The following NSUN3 variants were observed in gnomAD, a reference collection of about 807,000 sequenced individuals.
NSUN3 encodes NOP2/Sun RNA methyltransferase 3.
In NSUN3, 24 loss-of-function variants were observed where a neutral mutation model predicts 36.8. The observed-to-expected ratio is 0.65, with a 90% CI of 0.47 to 0.92. The LOEUF (loss-of-function observed/expected upper bound fraction) is 0.92, where lower values mean the gene tolerates loss of function less well. NSUN3 is among the 40% of genes least tolerant of loss of function. NSUN3 has a pLI of 0.00. For missense variants in NSUN3, 381 were observed against 392.8 expected, an observed-to-expected ratio of 0.97 and a Z score of 0.25; for synonymous variants, 146 against 145.2, an observed-to-expected ratio of 1.01 and a Z score of -0.04.
intron 5 of NSUN3, among the ~76,000 whole-genome samples, chr3:94,098,778 A>G (rs2077353281): frequency 1.3e-5 from 2 of 152,038 alleles, no homozygotes; most frequent in African/African-American, 4.8e-5. Context: ...GGCAAACTCT[A>G]CTGATTCTTC....
rs185546105 is a variant in NSUN3 at position 94,104,401 on chromosome 3, A to G, written c.743+9247A>G. Among the ~76,000 whole-genome samples the G allele has an allele frequency of 2.6e-5, 4 of 152,284 alleles. No homozygotes were observed. The East Asian group carries it at 7.7e-4, about 29-fold the overall frequency. ...TGGTCTGTGTGAATCTGATTTGACA[A>G]TTTGATCTTTTATGTTAGCTCACTC... On this transcript the variant is annotated intron_variant, in intron 5 of 5. Coordinates refer to ENST00000314622, the MANE Select transcript of NSUN3 (RefSeq NM_022072.5).
At chr3:94,126,099 C>A in intron 5 of NSUN3, 112 bp from the exon 6 acceptor site, 1 of 779,426 alleles carries the variant, frequency 1.3e-6, no homozygotes, top group Non-Finnish European at 2.0e-6. Context: ...AAAGTAATTG[C>A]AGTCTAAGTC....
At chr3:94,092,411 T>TTG (rs1560034642) in intron 3 of NSUN3, among the ~76,000 whole-genome samples, 1 of 152,194 alleles carries the variant, frequency 6.6e-6, no homozygotes, top group East Asian at 1.9e-4. Flanking sequence ...TACCATGAAC[T>TTG]TCTGTCTTAC....
At chr3:94,066,513 T>C (rs1199366696) in intron 2 of NSUN3, among the ~76,000 whole-genome samples, 2 of 152,222 alleles carry the variant, frequency 1.3e-5, no homozygotes, top group Non-Finnish European at 2.9e-5. Context: ...TAGTTTCCTG[T>C]AGTAGTGAGG....
chr3:94,090,914 GA>G (rs1384047632), intron 3 of NSUN3, among the ~76,000 whole-genome samples: 1 of 152,120 alleles, frequency 6.6e-6, no homozygotes, highest in Non-Finnish European at 1.5e-5. Flanking sequence ...ATCAAGCTGG[GA>G]TTCAAAGTGC....
chr3:94,066,554 A>G (rs1576078899), intron 2 of NSUN3, among the ~76,000 whole-genome samples: 1 of 152,082 alleles, frequency 6.6e-6, no homozygotes, highest in African/African-American at 2.4e-5. Flanking sequence ...GCTCTTTTTT[A>G]GTAACCTTTC....
At chr3:94,068,890 G>C (rs965070078) in intron 2 of NSUN3, among the ~76,000 whole-genome samples, 22 of 152,004 alleles carry the variant, frequency 1.4e-4, no homozygotes, top group African/African-American at 5.3e-4. Flanking sequence ...AAATGAACCA[G>C]TATCTAGATT....
At chr3:94,093,046 T>G (rs1375546428) in intron 3 of NSUN3, among the ~76,000 whole-genome samples, 2 of 148,738 alleles carry the variant, frequency 1.3e-5, no homozygotes, top group Non-Finnish European at 3.0e-5. Context: ...GTTTGGGAAA[T>G]GGAGTAGTCC....
intron 2 of NSUN3, among the ~76,000 whole-genome samples, chr3:94,068,944 T>C (rs2077215334): frequency 2.0e-5 from 3 of 152,190 alleles, no homozygotes; most frequent in Admixed American, 2.0e-4. Context: ...TTTTCAGCCT[T>C]AATCTGTGCA....
intron 5 of NSUN3, among the ~76,000 whole-genome samples, chr3:94,096,208 A>G (rs1416432459): frequency 6.6e-6 from 1 of 152,176 alleles, no homozygotes; most frequent in East Asian, 1.9e-4. Context: ...CATTACCTAA[A>G]TATTATAACC....
chr3:94,092,733 G>A (rs995679008), intron 3 of NSUN3, among the ~76,000 whole-genome samples: 1 of 151,512 alleles, frequency 6.6e-6, no homozygotes, highest in Admixed American at 6.6e-5. Context: ...GCGAAACCCC[G>A]TCTCTACTAA....
intron 3 of NSUN3, among the ~76,000 whole-genome samples, chr3:94,088,180 C>T (rs1420169137): frequency 6.6e-6 from 1 of 152,162 alleles, no homozygotes; most frequent in African/African-American, 2.4e-5. Context: ...TCTGAACTCC[C>T]TGCATTAGGT....
chr3:94,082,919 T>C (rs1170094709), intron 2 of NSUN3, among the ~76,000 whole-genome samples: 1 of 152,196 alleles, frequency 6.6e-6, no homozygotes, highest in East Asian at 1.9e-4. Flanking sequence ...TAGTTAGTTT[T>C]CCATACCTTT....
At chr3:94,110,502 C>T (rs1006212690) in intron 5 of NSUN3, among the ~76,000 whole-genome samples, 1 of 152,048 alleles carries the variant, frequency 6.6e-6, no homozygotes, top group African/African-American at 2.4e-5. Flanking sequence ...CTGTGTTCTT[C>T]CATCTCAGCA....
Position 94,128,488 on chromosome 3 carries a change from A to G in NSUN3, c.*1998A>G, listed in dbSNP as rs1364157812. On this transcript the variant is annotated 3_prime_UTR_variant, in exon 6 of 6. Transcript: ENST00000314622. ...GTATTTTCCCAGTATAATGCGATGA[A>G]GCTTAATCTGAATACTTGGTATGCT... is the stretch of plus-strand genomic sequence containing the variant. The G allele has an allele frequency of 6.6e-6, 1 of 151,468 alleles. No individual in the cohort carries two copies. Among genetic ancestry groups the G allele is most frequent in the Non-Finnish European group, 1.5e-5 (1 of 67,912 alleles). 9.4% of individuals were successfully genotyped at this position (151,468 alleles called of 1,614,324 possible). A position where few individuals can be genotyped will look rare whatever the true frequency, so the allele number is the denominator to read the frequency against.
intron 2 of NSUN3, among the ~76,000 whole-genome samples, chr3:94,078,829 C>T (rs139815316): frequency 4.9e-4 from 75 of 152,284 alleles, no homozygotes; most frequent in Non-Finnish European, 2.9e-4. Flanking sequence ...ATGTGTGTCT[C>T]TGCATGCGAG....
At chr3:94,120,593 A>G (rs890203399) in intron 5 of NSUN3, among the ~76,000 whole-genome samples, 10 of 152,216 alleles carry the variant, frequency 6.6e-5, no homozygotes, top group Admixed American at 6.5e-4. Context: ...AGCATCTGTC[A>G]GAGTTTTCTT....
In NSUN3 at chr3:94,126,310, C is replaced by T; in HGVS notation, c.843C>T (p.Asn281=). ...AAGATGTGATCAGTGAAATTTTAAACTCCCACGGTAACATCATGCCTATGG... is the reference window on the plus strand; with the variant it reads ...AAGATGTGATCAGTGAAATTTTAAATTCCCACGGTAACATCATGCCTATGG... ...ENQDVISEIL[N]SHGNIMPMDI... is the part of the protein sequence containing the mutation. Residue 281 remains asparagine (N), a synonymous_variant, in exon 6 of 6, where the codon AAC becomes AAT. Transcript: ENST00000314622. 1.9e-6 allele frequency: 3 copies of T among 1,614,098 alleles called. No homozygotes were observed. Among genetic ancestry groups the T allele is most frequent in the Non-Finnish European group, 2.5e-6 (3 of 1,179,984 alleles).
At chr3:94,117,405 C>G (rs938753065) in intron 5 of NSUN3, among the ~76,000 whole-genome samples, 1 of 152,034 alleles carries the variant, frequency 6.6e-6, no homozygotes, top group African/African-American at 2.4e-5. Flanking sequence ...TGTGAACTGT[C>G]AAAAATCTAT....
Sources: allele counts gnomAD v4.1 joint callset (sites outside exome capture counted in the v4.1 genomes callset), GRCh38; gene constraint gnomAD v4.1.1; transcripts MANE v1.5; gene names NCBI Gene and HGNC (gene_info 2026-07-23, HGNC 2026-07-21).